The following ARHGAP24 variants were observed in gnomAD, a reference collection of about 807,000 sequenced individuals.
ARHGAP24 encodes rho GTPase-activating protein 24.
Under a neutral mutation model 76.4 loss-of-function variants are expected in ARHGAP24, and 50 were observed. The observed-to-expected ratio is 0.65, with a 90% confidence interval of 0.52 to 0.83. The LOEUF (loss-of-function observed/expected upper bound fraction) is 0.83. ARHGAP24 is among the 40% of genes least tolerant of loss of function. ARHGAP24 has a pLI of 0.00. For missense variants in ARHGAP24, 930 were observed against 914.2 expected, an observed-to-expected ratio of 1.02 and a Z score of -0.22; for synonymous variants, 345 against 323.3, an observed-to-expected ratio of 1.07 and a Z score of -0.72.
intron 3 of ARHGAP24, among the ~76,000 whole-genome samples, chr4:85,800,190 G>A (rs1728519588): frequency 6.6e-6 from 1 of 152,192 alleles, no homozygotes; most frequent in Non-Finnish European, 1.5e-5. Flanking sequence ...GCTGGGTGAA[G>A]AGTATACAGG....
intron 3 of ARHGAP24, among the ~76,000 whole-genome samples, chr4:85,850,232 G>A (rs1560670670): frequency 1.3e-5 from 2 of 152,146 alleles, no homozygotes; most frequent in Non-Finnish European, 2.9e-5. Context: ...TAGTTTATTT[G>A]CGTAGAGGTG....
chr4:85,725,352 A>G (rs1725129511), intron 3 of ARHGAP24, among the ~76,000 whole-genome samples: 2 of 152,206 alleles, frequency 1.3e-5, no homozygotes, highest in African/African-American at 4.8e-5. Context: ...AATCTCAGTC[A>G]TATGAAACTG....
intron 3 of ARHGAP24, among the ~76,000 whole-genome samples, chr4:85,867,908 TAC>T (rs376213465): frequency 1.2e-4 from 9 of 75,278 alleles, no homozygotes; most frequent in South Asian, 7.0e-4. Context: ...CATATATATA[TAC>T]ATATATGTAC....
chr4:85,495,755 A>G (rs936747355), intron 1 of ARHGAP24, among the ~76,000 whole-genome samples: 5 of 152,196 alleles, frequency 3.3e-5, no homozygotes, highest in Admixed American at 3.3e-4. Flanking sequence ...GTAATACTCT[A>G]CAGCATGGCA....
At chr4:85,760,304 C>T (rs974834832) in intron 3 of ARHGAP24, among the ~76,000 whole-genome samples, 4 of 152,044 alleles carry the variant, frequency 2.6e-5, no homozygotes, top group Non-Finnish European at 5.9e-5. Context: ...TGCTGATTAA[C>T]CTGAGATCTA....
intron 8 of ARHGAP24, among the ~76,000 whole-genome samples, chr4:85,980,727 A>T (rs1739609502): frequency 6.6e-6 from 1 of 152,220 alleles, no homozygotes; most frequent in African/African-American, 2.4e-5. Flanking sequence ...GATTCTCAAA[A>T]TATAATATTC....
chr4:85,780,814 T>A (rs1420962556), intron 3 of ARHGAP24, among the ~76,000 whole-genome samples: 1 of 152,238 alleles, frequency 6.6e-6, no homozygotes, highest in East Asian at 1.9e-4. Context: ...AAGTTCTTAG[T>A]TGTGTTCTGT....
chr4:85,476,058 TA>T (rs1181125630), intron 1 of ARHGAP24, among the ~76,000 whole-genome samples: 2 of 148,256 alleles, frequency 1.3e-5, no homozygotes, highest in Non-Finnish European at 3.0e-5. Flanking sequence ...AAAATATTTA[TA>T]AATATATTAC....
At chr4:85,933,927 T>C (rs1736490116) in intron 4 of ARHGAP24, among the ~76,000 whole-genome samples, 1 of 152,226 alleles carries the variant, frequency 6.6e-6, no homozygotes, top group Admixed American at 6.5e-5. Flanking sequence ...AGCAGCCACT[T>C]AGTGATCATT....
intron 2 of ARHGAP24, among the ~76,000 whole-genome samples, chr4:85,602,283 A>G (rs1274761669): frequency 6.6e-6 from 1 of 152,232 alleles, no homozygotes; most frequent in African/African-American, 2.4e-5. Context: ...TAATGACCAC[A>G]CAGATTGCAA....
chr4:85,709,561 A>G (rs1041147175), intron 2 of ARHGAP24, among the ~76,000 whole-genome samples: 2 of 152,156 alleles, frequency 1.3e-5, no homozygotes, highest in Non-Finnish European at 2.9e-5. Flanking sequence ...CCATTTTACT[A>G]CTAGGACTAA....
At chr4:85,960,444 C>T (rs1383732048) in intron 5 of ARHGAP24, among the ~76,000 whole-genome samples, 2 of 152,110 alleles carry the variant, frequency 1.3e-5, no homozygotes, top group African/African-American at 2.4e-5. Context: ...TCATTGAAAA[C>T]TCTGTGTTCA....
At chr4:85,736,640 A>G (rs1052758981) in intron 3 of ARHGAP24, among the ~76,000 whole-genome samples, 1 of 152,234 alleles carries the variant, frequency 6.6e-6, no homozygotes, top group African/African-American at 2.4e-5. Context: ...TGAACACTCA[A>G]GGAACACCGA....
At chr4:85,579,370 G>A (rs905451603) in intron 2 of ARHGAP24, among the ~76,000 whole-genome samples, 2 of 151,998 alleles carry the variant, frequency 1.3e-5, no homozygotes, top group African/African-American at 2.4e-5. Flanking sequence ...AAAAACAAAT[G>A]AGTAAAAATA....
At chr4:85,954,582 G>A (rs936472952) in intron 5 of ARHGAP24, among the ~76,000 whole-genome samples, 2 of 152,046 alleles carry the variant, frequency 1.3e-5, no homozygotes, top group African/African-American at 4.8e-5. Context: ...TGCTCCCTTC[G>A]GCAGCACATA....
At chr4:85,641,655 A>C (rs1218377791) in intron 2 of ARHGAP24, among the ~76,000 whole-genome samples, 1 of 152,250 alleles carries the variant, frequency 6.6e-6, no homozygotes, top group Non-Finnish European at 1.5e-5. Flanking sequence ...GGGTTCCCCC[A>C]AATCTCTCTT....
intron 3 of ARHGAP24, among the ~76,000 whole-genome samples, chr4:85,737,805 A>T (rs561319588): frequency 1.2e-4 from 18 of 152,346 alleles, no homozygotes; most frequent in African/African-American, 3.6e-4. Flanking sequence ...TAAAGGCTCT[A>T]CAGTGAAAGG....
chr4:85,833,331 G>A (rs1189006565), intron 3 of ARHGAP24, among the ~76,000 whole-genome samples: 1 of 152,150 alleles, frequency 6.6e-6, no homozygotes, highest in African/African-American at 2.4e-5. Flanking sequence ...GTGCTTGGTG[G>A]GGAGGAGACA....
intron 1 of ARHGAP24, among the ~76,000 whole-genome samples, chr4:85,506,045 T>A (rs1474666691): frequency 2.0e-5 from 3 of 152,234 alleles, no homozygotes; most frequent in East Asian, 3.9e-4. Context: ...CTGGGTATCA[T>A]CAGTGGAGGC....
Sources: gnomAD v4.1 joint callset for allele counts (sites outside exome capture counted in the v4.1 genomes callset) on GRCh38, gnomAD v4.1.1 for gene constraint, MANE v1.5 for transcripts, NCBI Gene and HGNC (gene_info 2026-07-23, HGNC 2026-07-21) for gene names.